The following CASK variants were observed in gnomAD, a reference collection of about 807,000 sequenced individuals.
The protein encoded by CASK is peripheral plasma membrane protein CASK.
CASK carries 4 observed loss-of-function variants against 82.9 expected under a neutral mutation model. That is an observed-to-expected ratio of 0.05 (90% CI 0.02 to 0.11). The LOEUF is 0.11. CASK is among the 10% of genes least tolerant of loss of function. The pLI is 1.00. For missense variants in CASK, 358 were observed against 720.9 expected (o/e 0.50, Z 5.76); for synonymous variants, 259 against 253.5 (o/e 1.02, Z -0.20).
At chrX:41,751,854 G>T (rs981955682) in intron 3 of CASK, among the ~76,000 whole-genome samples, 3 of 110,120 alleles carry the variant, frequency 2.7e-5, no homozygotes, top group African/African-American at 9.9e-5. Context: ...GACCAGCCTG[G>T]GCAAAAGAGT....
intron 5 of CASK, among the ~76,000 whole-genome samples, chrX:41,714,234 C>G (rs1251639937): frequency 9.0e-6 from 1 of 111,157 alleles, no homozygotes; most frequent in African/African-American, 3.3e-5. Context: ...GTCTCCTTTA[C>G]CTGAATGTTT....
chrX:41,723,889 C>G (rs1032836872), intron 5 of CASK, among the ~76,000 whole-genome samples: 1 of 112,117 alleles, frequency 8.9e-6, no homozygotes, highest in Non-Finnish European at 1.9e-5. Context: ...TACAGAGTGG[C>G]TCCTTCTATC....
rs1349616438 is a variant in CASK at position 41,754,941 on chromosome X, C to T, written c.279-9340G>A. 3.0e-5 allele frequency among the ~76,000 whole-genome samples: 3 copies of T among 100,596 alleles called. No homozygotes were observed. The South Asian group carries it at 1.5e-3, about 49-fold the overall frequency. 87.4% of individuals were successfully genotyped at this position (100,596 alleles called of 115,157 possible). A position where few individuals can be genotyped will look rare whatever the true frequency, so the allele number is the denominator to read the frequency against. On this transcript the variant is annotated intron_variant, in intron 3 of 26. Coordinates refer to ENST00000378163, the MANE Select transcript of CASK (RefSeq NM_001367721.1). ...GTCACCAGGCAGGAGTGCAGTGGTG[C>T]CATCTCGGCTCACTGCAACCTCCAC... is the stretch of plus-strand genomic sequence containing the variant.
intron 5 of CASK, chrX:41,730,250 T>C (rs2068369202): frequency 8.3e-6 from 1 of 121,191 alleles, no homozygotes; most frequent in Admixed American, 9.6e-5. Flanking sequence ...TTTAATCTCA[T>C]AGCATGTTTT....
At chrX:41,696,391 CA>C in intron 5 of CASK, 1 of 1,179,534 alleles carries the variant, frequency 8.5e-7, no homozygotes, top group East Asian at 3.0e-5. Context: ...AAAAGGAGGT[CA>C]AAATTTCCTA....
At chrX:41,916,457 G>A (rs1365389935) in intron 1 of CASK, among the ~76,000 whole-genome samples, 2 of 111,556 alleles carry the variant, frequency 1.8e-5, no homozygotes, top group Non-Finnish European at 3.8e-5. Context: ...TAAATCCAGA[G>A]CCATATTTGG....
chrX:41,529,191 C>T (rs2064759680), intron 25 of CASK, among the ~76,000 whole-genome samples: 1 of 111,716 alleles, frequency 9.0e-6, no homozygotes, highest in South Asian at 3.7e-4. Flanking sequence ...GCTCATCCAG[C>T]ACTCAGGGGA....
intron 3 of CASK, among the ~76,000 whole-genome samples, chrX:41,770,513 A>T (rs2069224658): frequency 9.1e-6 from 1 of 110,435 alleles, no homozygotes; most frequent in Admixed American, 9.8e-5. Context: ...CAGCCTCCCA[A>T]GTAGCTGGGA....
intron 2 of CASK, among the ~76,000 whole-genome samples, chrX:41,799,230 A>T (rs926041980): frequency 3.6e-5 from 4 of 112,106 alleles, no homozygotes; most frequent in Non-Finnish European, 5.6e-5. Context: ...GTTTTCTATT[A>T]AGACAGAATC....
rs777966583 is a variant in CASK at position 41,695,235 on chromosome X, T to C, written c.430-23705A>G. On this transcript the variant is annotated intron_variant, in intron 5 of 26. Transcript: ENST00000378163. ...TGCTGCTTGTTTAATGATACAATAA[T>C]GTTACTACATACAGTAGGATAAAAG... 1.8e-5 allele frequency among the ~76,000 whole-genome samples: 2 copies of C among 111,454 alleles called. 1 individual carries two copies. Among genetic ancestry groups the C allele is most frequent in the South Asian group, 7.7e-4 (2 of 2,587 alleles).
chrX:41,890,294 C>T (rs2072141950), intron 1 of CASK, among the ~76,000 whole-genome samples: 2 of 109,186 alleles, frequency 1.8e-5, no homozygotes, highest in African/African-American at 6.7e-5. Flanking sequence ...TTCCCCAACC[C>T]CAAGGACCAT....
At chrX:41,705,784 T>C (rs2067875332) in intron 5 of CASK, among the ~76,000 whole-genome samples, 1 of 111,742 alleles carries the variant, frequency 8.9e-6, no homozygotes, top group Non-Finnish European at 1.9e-5. Flanking sequence ...ATGCCTTCCA[T>C]TAATACTGCT....
At chrX:41,691,916 T>C (rs1423792091) in intron 5 of CASK, among the ~76,000 whole-genome samples, 1 of 109,335 alleles carries the variant, frequency 9.1e-6, no homozygotes, top group East Asian at 2.8e-4. Flanking sequence ...TTTCTTTCTT[T>C]CTTCCTTTTT....
chrX:41,680,595 A>C (rs1379413870), intron 5 of CASK, among the ~76,000 whole-genome samples: 2 of 110,900 alleles, frequency 1.8e-5, no homozygotes, highest in Non-Finnish European at 3.8e-5. Context: ...TTCAGTGGAC[A>C]GTGCTGAAAA....
At chrX:41,588,507 G>A (rs1442985214) in intron 13 of CASK, 1 of 110,874 alleles carries the variant, frequency 9.0e-6, no homozygotes, top group African/African-American at 3.3e-5. Flanking sequence ...GGTGAAGTCA[G>A]AGACAACCCC....
intron 21 of CASK, among the ~76,000 whole-genome samples, chrX:41,544,580 A>AAC (rs1569296746): frequency 9.2e-6 from 1 of 108,392 alleles, no homozygotes; most frequent in African/African-American, 3.4e-5. Context: ...AAAAAAAAAA[A>AAC]AAAAAACAAA....
chrX:41,675,168 C>T (rs2067248210), intron 5 of CASK, among the ~76,000 whole-genome samples: 1 of 111,918 alleles, frequency 8.9e-6, no homozygotes, highest in African/African-American at 3.2e-5. Flanking sequence ...GAATGTGAAC[C>T]GTTTCTGCCC....
At chrX:41,878,464 CT>C (rs1252209058) in intron 1 of CASK, among the ~76,000 whole-genome samples, 2 of 109,667 alleles carry the variant, frequency 1.8e-5, no homozygotes, top group Admixed American at 9.7e-5. Context: ...TCTTTCCTGA[CT>C]TTTTTTTTAA....
chrX:41,704,900 G>A (rs1009193074), intron 5 of CASK, among the ~76,000 whole-genome samples: 1 of 111,600 alleles, frequency 9.0e-6, no homozygotes, highest in African/African-American at 3.3e-5. Context: ...AACTCATAGG[G>A]TTGTTAGGAG....
Sources: gnomAD v4.1 joint callset for allele counts (sites outside exome capture counted in the v4.1 genomes callset) on GRCh38, gnomAD v4.1.1 for gene constraint, MANE v1.5 for transcripts, NCBI Gene and HGNC (gene_info 2026-07-23, HGNC 2026-07-21) for gene names.